Variants in IGF2R observed in about 807,000 individuals in gnomAD.
The protein encoded by IGF2R is insulin like growth factor 2 receptor.
Under a neutral mutation model 270.6 loss-of-function variants are expected in IGF2R, and 91 were observed. That is an observed-to-expected ratio of 0.34 (90% CI 0.28 to 0.40). The LOEUF is 0.40. IGF2R is among the 10% of genes least tolerant of loss of function. The pLI is 1.00. For missense variants in IGF2R, 2,805 were observed against 3,188.3 expected, an observed-to-expected ratio of 0.88 and a Z score of 2.90; for synonymous variants, 1,316 against 1,258.9, an observed-to-expected ratio of 1.05 and a Z score of -0.96.
At chr6:160,013,303 G>A (rs2115209550) in intron 4 of IGF2R, among the ~76,000 whole-genome samples, 1 of 149,708 alleles carries the variant, frequency 6.7e-6, no homozygotes, top group South Asian at 2.1e-4. Flanking sequence ...CCAGGACTAA[G>A]AATGGTTTTC....
chr6:160,080,939 A>G (rs1026589755), intron 39 of IGF2R, among the ~76,000 whole-genome samples: 1 of 149,930 alleles, frequency 6.7e-6, no homozygotes, highest in Non-Finnish European at 1.5e-5. Context: ...AGCATGGTGA[A>G]ACCCCGTCTC....
At chr6:159,990,064 C>A (rs111564517) in intron 1 of IGF2R, among the ~76,000 whole-genome samples, 2 of 152,206 alleles carry the variant, frequency 1.3e-5, no homozygotes, top group African/African-American at 4.8e-5. Flanking sequence ...CAGATCTGAA[C>A]TGTAGCTCTA....
chr6:160,074,303 GTTTCTTTGTGTGAAA>G (rs1454126347), intron 35 of IGF2R, among the ~76,000 whole-genome samples: 7 of 152,246 alleles, frequency 4.6e-5, no homozygotes, highest in African/African-American at 1.7e-4. Flanking sequence ...CCCTAGCCTG[GTTTCTTTGTGTGAAA>G]TGCCTTGTCT....
intron 44 of IGF2R, among the ~76,000 whole-genome samples, chr6:160,091,754 G>C (rs1163886259): frequency 6.6e-6 from 1 of 152,148 alleles, no homozygotes; most frequent in Non-Finnish European, 1.5e-5. Flanking sequence ...CCCAGTGCTC[G>C]GTAAATCTTG....
chr6:160,071,185 T>C (rs1157666470), intron 31 of IGF2R, among the ~76,000 whole-genome samples: 3 of 113,364 alleles, frequency 2.6e-5, no homozygotes, highest in African/African-American at 1.1e-4. Context: ...GTGAAGGGTG[T>C]GTGGAGGCCC....
chr6:160,053,582 C>T (rs1401773693), intron 19 of IGF2R, among the ~76,000 whole-genome samples: 2 of 152,112 alleles, frequency 1.3e-5, no homozygotes, highest in African/African-American at 4.8e-5. Context: ...CCATTTTATA[C>T]AGTCCCAATT....
chr6:160,051,038 C>T (rs1340278697), intron 19 of IGF2R, among the ~76,000 whole-genome samples: 2 of 152,210 alleles, frequency 1.3e-5, no homozygotes, highest in South Asian at 4.2e-4. Context: ...TTCCCTTTCA[C>T]CCTTTGAAGT....
Position 160,060,567 on chromosome 6 carries a change from G to C in IGF2R, c.3112G>C (p.Val1038Leu), listed in dbSNP as rs775179985. Residue 1038 changes from valine (V) to leucine (L), a missense_variant, in exon 23 of 48, where the codon GTC (valine) becomes CTC (leucine). Physicochemically the swap from Val to Leu is conservative, Grantham distance 32 (BLOSUM62 1). Transcript: ENST00000356956. ...TACAGGTACCGCTGATGCTTTTATC[G>C]TCCGCTTTGTTTGCAATGATGATGT... Reference protein sequence around the residue: ...SAKGTADAFIVRFVCNDDVYS... With the variant: ...SAKGTADAFILRFVCNDDVYS... 2 of 1,614,160 alleles carry C rather than the reference G, an allele frequency of 1.2e-6. No individual in the cohort carries two copies. Among genetic ancestry groups the C allele is most frequent in the Admixed American group, 3.3e-5 (2 of 60,022 alleles).
In IGF2R at chr6:160,055,149, TCA is replaced by T. The variant is rs764598953; in HGVS notation, c.2695-1274_2695-1273del. 1.3e-4 allele frequency among the ~76,000 whole-genome samples: 20 copies of T among 152,220 alleles called. No individual in the cohort carries two copies. In the Middle Eastern group the frequency reaches 0.01, roughly 78 times the overall value. ...GAGCTTGGGCCGCCCACTTCTTCTC[TCA>T]GTCTCAGGAAGGATCCAGGTTTGGT... On this transcript the variant is annotated intron_variant, in intron 19 of 47. Transcript: ENST00000356956.
At chr6:160,031,637 C>G (rs549055370) in intron 7 of IGF2R, among the ~76,000 whole-genome samples, 1 of 152,256 alleles carries the variant, frequency 6.6e-6, no homozygotes, top group East Asian at 1.9e-4. Context: ...ATGTGTCAGA[C>G]TGCACTGAGC....
chr6:160,059,129 A>T, intron 22 of IGF2R, 31 bp downstream of exon 22: 1 of 1,591,820 alleles, frequency 6.3e-7, no homozygotes, highest in Non-Finnish European at 8.6e-7. Flanking sequence ...TTTTGTAGCT[A>T]AAAAGGGCCC....
At chr6:160,062,719 C>A in intron 26 of IGF2R, 100 bp downstream of exon 26, 1 of 817,846 alleles carries the variant, frequency 1.2e-6, no homozygotes. Flanking sequence ...ACAGCCATAG[C>A]TGGGGTCATG....
intron 27 of IGF2R, 80 bp from the exon 28 acceptor site, chr6:160,064,321 G>T (rs1394373469): frequency 1.3e-6 from 2 of 1,499,344 alleles, no homozygotes; most frequent in South Asian, 2.3e-5. Flanking sequence ...TTCAGGGTGT[G>T]TGGTGTCACA....
Position 160,060,629 on chromosome 6 carries a change from C to T in IGF2R, c.3174C>T (p.Ile1058=), listed in dbSNP as rs535403714. 2.8e-5 allele frequency: 45 copies of T among 1,614,224 alleles called. No individual in the cohort carries two copies. The highest frequency in any genetic ancestry group is 4.5e-5 in the East Asian group (2 of 44,890). Residue 1058 remains isoleucine (I), a synonymous_variant, in exon 23 of 48, where the codon ATC becomes ATT. Coordinates refer to ENST00000356956, the MANE Select transcript of IGF2R (RefSeq NM_000876.4). ...CCCTCAAATTCCTGCATCAAGATATCGACTCTGGGCAAGGGATCCGAAACA... is the reference window on the plus strand; with the variant it reads ...CCCTCAAATTCCTGCATCAAGATATTGACTCTGGGCAAGGGATCCGAAACA... ...SGPLKFLHQD[I]DSGQGIRNTY... is the part of the protein sequence containing the mutation.
intron 1 of IGF2R, among the ~76,000 whole-genome samples, chr6:159,984,955 G>C (rs1348274706): frequency 6.6e-6 from 1 of 152,134 alleles, no homozygotes; most frequent in Non-Finnish European, 1.5e-5. Context: ...ACTTAATCAT[G>C]GGTATGTATG....
In IGF2R at chr6:160,050,648, G is replaced by T. The variant is rs1413098882; in HGVS notation, c.2690G>T (p.Arg897Met). 2 of 1,600,020 alleles carry T rather than the reference G, an allele frequency of 1.2e-6. No individual in the cohort carries two copies. Among genetic ancestry groups the T allele is most frequent in the Admixed American group, 3.4e-5 (2 of 59,290 alleles). The change falls in exon 19 of 48, where the codon AGG becomes ATG. Residue 897 changes from arginine (R) to methionine (M), a missense_variant. Physicochemically the swap from Arg to Met is moderately conservative, Grantham distance 91 (BLOSUM62 -1). Around this residue, in one of 2 missense-constraint regions of IGF2R, gnomAD observed 1,851 missense variants for 2,207.2 expected, o/e 0.84. Coordinates refer to ENST00000356956, the MANE Select transcript of IGF2R (RefSeq NM_000876.4). The surrounding 1 kb of genome is among the most constrained non-coding windows in gnomAD (Gnocchi z 4.0). ...ATCCATCTCGTCTGCTCCAGGGGCA[G>T]GCTGGTAAGGCACTGCTGCTGGCTG... ...TRIHLVCSRG[R>M]LNSHPIFSLN... is the part of the protein sequence containing the mutation.
intron 11 of IGF2R, among the ~76,000 whole-genome samples, chr6:160,042,121 C>A (rs557980730): frequency 6.6e-6 from 1 of 152,056 alleles, no homozygotes; most frequent in Non-Finnish European, 1.5e-5. Context: ...TGCAGTATTT[C>A]GTGGTATTTG....
rs768961701 is a variant in IGF2R, at chr6:160,084,075, T to C, written c.5959T>C (p.Cys1987Arg). The C allele has an allele frequency of 1.9e-6, 3 of 1,614,154 alleles. No homozygotes were observed. The highest frequency in any genetic ancestry group is 2.5e-6 in the Non-Finnish European group (3 of 1,179,976). Residue 1987 changes from cysteine (C) to arginine (R), a missense_variant, in exon 40 of 48, where the codon TGC (cysteine) becomes CGC (arginine). Cys to Arg is a radical substitution (Grantham distance 180). Around this residue, in one of 2 missense-constraint regions of IGF2R, gnomAD observed 1,851 missense variants for 2,207.2 expected, o/e 0.84. Transcript: ENST00000356956. This position sits in a 1 kb window ranked among gnomAD's most constrained non-coding sequence, Gnocchi z 4.6. ...ATTTGAGTGGAAAACAAAAGTTGTCTGCCCTCCAAAGAAGTTGGAGTGCAA... is the reference window on the plus strand; with the variant it reads ...ATTTGAGTGGAAAACAAAAGTTGTCCGCCCTCCAAAGAAGTTGGAGTGCAA... Reference protein sequence around the residue: ...VTFEWKTKVVCPPKKLECKFV... With the variant: ...VTFEWKTKVVRPPKKLECKFV...
chr6:159,980,242 A>AAG (rs1554234715), intron 1 of IGF2R, among the ~76,000 whole-genome samples: 1 of 145,050 alleles, frequency 6.9e-6, no homozygotes, highest in African/African-American at 2.6e-5. Flanking sequence ...AAAGAAAGGT[A>AAG]CATGGAAGAT....
Sources: gnomAD v4.1 joint callset for allele counts (sites outside exome capture counted in the v4.1 genomes callset) on GRCh38, gnomAD v4.1.1 for gene constraint, gnomAD v4.1.1 regional missense constraint, Gnocchi (gnomAD v3.1) non-coding constraint, MANE v1.5 for transcripts, NCBI Gene and HGNC (gene_info 2026-07-23, HGNC 2026-07-21) for gene names.